MYO18B: variants seen among roughly 807,000 people sequenced by gnomAD.
MYO18B encodes unconventional myosin-XVIIIb.
Under a neutral mutation model 273.0 loss-of-function variants are expected in MYO18B, and 204 were observed. The ratio of observed to expected loss-of-function variants is 0.75; its 90% CI spans 0.67 to 0.84. The LOEUF (loss-of-function observed/expected upper bound fraction) is 0.84. Among genes scored for constraint, MYO18B ranks in the 40% least tolerant of loss-of-function variants. MYO18B has a pLI of 0.00. For synonymous variants in MYO18B, 1,330 were observed against 1,305.7 expected (o/e 1.02, Z -0.40); for missense variants, 3,212 against 3,287.6 (o/e 0.98, Z 0.56).
chr22:25,949,946 T>A lies in MYO18B; in HGVS notation c.5749-421T>A, dbSNP rs80221092. Among the ~76,000 whole-genome samples, 1,400 of 152,234 alleles carry A rather than the reference T, an allele frequency of 9.2e-3. 11 individuals carry two copies. The highest frequency in any genetic ancestry group is 0.017 in the Non-Finnish European group (1,128 of 68,012). On this transcript the variant is annotated intron_variant, in intron 36 of 43. Transcript: ENST00000335473. ...CAATACGGAAAGGCTGAGCTGAGAT[T>A]GTCAGTCCGTTTTACGAATGCAGAG...
Position 25,792,497 on chromosome 22 carries a change from C to CTTTTTTTTTTTTTTTTTTTTTTTT in MYO18B, c.2377-5440_2377-5439insTTTTTTTTTTTTTTTTTTTTTTTT, listed in dbSNP as rs58679561. ...GTGATGTTTCTTTTTTTTTTCTTTT[C>CTTTTTTTTTTTTTTTTTTTTTTTT]TTTTTTTTTTTTTTTTGAGACAGAG... On this transcript the variant is annotated intron_variant, in intron 11 of 43. Transcript: ENST00000335473. Among the ~76,000 whole-genome samples the CTTTTTTTTTTTTTTTTTTTTTTTT allele has an allele frequency of 1.3e-4, 14 of 107,954 alleles. 1 individual carries two copies. The highest frequency in any genetic ancestry group is 2.1e-4 in the Non-Finnish European group (12 of 58,302). The allele number at this position is 107,954 out of a possible 152,430, so 70.8% of individuals were successfully genotyped here.
At chr22:25,817,433 C>T (rs7287973) in intron 12 of MYO18B, among the ~76,000 whole-genome samples, 1 of 133,134 alleles carries the variant, frequency 7.5e-6, no homozygotes, top group Non-Finnish European at 1.6e-5. Flanking sequence ...TTTCCCTTTC[C>T]TTTCCCTTTC....
chr22:25,851,522 G>A lies in MYO18B; in HGVS notation c.3828G>A (p.Leu1276=). 1 of 1,561,610 alleles carries A rather than the reference G, an allele frequency of 6.4e-7. No homozygotes were observed. The highest frequency in any genetic ancestry group is 8.7e-7 in the Non-Finnish European group (1 of 1,152,460). Residue 1276 remains leucine, a synonymous_variant, in exon 21 of 44, where the codon CTG becomes CTA. Transcript: ENST00000335473. ...LTRFRRQFQV[L]DAPLLKKLMS... is the part of the protein sequence containing the mutation. Reference sequence around the variant, plus strand: ...GCTTCCGCCGGCAATTCCAGGTGCTGGACGCTCCACTCCTGAAGAAGCTCA... The same window carrying A: ...GCTTCCGCCGGCAATTCCAGGTGCTAGACGCTCCACTCCTGAAGAAGCTCA...
Position 25,955,284 on chromosome 22 carries a change from C to T in MYO18B, c.6076C>T (p.Arg2026Trp), listed in dbSNP as rs753680676. Reference protein sequence around the residue: ...QQRESSQYYQRRLEELKADME... With the variant: ...QQRESSQYYQWRLEELKADME... ...GCGGGAGAGCAGCCAGTACTACCAG[C>T]GGCGCCTGGAAGAGCTGAAGGCCGA... The change falls in exon 39 of 44, where the codon CGG becomes TGG. Residue 2026 changes from arginine (R) to tryptophan (W), a missense_variant. Physicochemically the swap from Arg to Trp is moderately radical, Grantham distance 101. Transcript: ENST00000335473. 23 of 1,613,540 alleles carry T rather than the reference C, an allele frequency of 1.4e-5. No individual in the cohort carries two copies. The highest frequency in any genetic ancestry group is 1.7e-5 in the Admixed American group (1 of 59,970).
rs1339319910 is a variant in MYO18B, at chr22:25,975,452, G to GT, written c.6157-16910dup. On this transcript the variant is annotated intron_variant, in intron 39 of 43. Coordinates refer to ENST00000335473, the MANE Select transcript of MYO18B (RefSeq NM_032608.7). The stretch of plus-strand genomic sequence containing the variant: ...GGCAGCCTGGGGATTAACATTTACT[G>GT]TATGTCTACTATGTGACAGGCACTG... 5.3e-5 allele frequency among the ~76,000 whole-genome samples: 8 copies of GT among 152,300 alleles called. No homozygotes were observed. The East Asian group carries it at 1.5e-3, about 29-fold the overall frequency.
chr22:25,757,111 T>C (rs2086147554), intron 1 of MYO18B, among the ~76,000 whole-genome samples: 1 of 152,162 alleles, frequency 6.6e-6, no homozygotes, highest in Non-Finnish European at 1.5e-5. Flanking sequence ...TATAGTGCTA[T>C]AGAACACTAG....
In MYO18B at chr22:25,848,973, G is replaced by A. The variant is rs141637414; in HGVS notation, c.3775+1321G>A. Among the ~76,000 whole-genome samples, 1,180 of 152,332 alleles carry A rather than the reference G, an allele frequency of 7.7e-3. 5 individuals are homozygous for A. The highest frequency in any genetic ancestry group is 0.014 in the Non-Finnish European group (938 of 68,034). On this transcript the variant is annotated intron_variant, in intron 20 of 43. Coordinates refer to ENST00000335473, the MANE Select transcript of MYO18B (RefSeq NM_032608.7). Reference sequence around the variant, plus strand: ...AGTATTTGACTGGGAGCAGCTAGAAGCAAAGATGAGACCCTCACTCCGCTG... The same window carrying A: ...AGTATTTGACTGGGAGCAGCTAGAAACAAAGATGAGACCCTCACTCCGCTG...
chr22:25,810,262 TG>T (rs200514937), intron 12 of MYO18B, among the ~76,000 whole-genome samples: 4,822 of 150,724 alleles, frequency 0.032, 247 homozygotes, highest in African/African-American at 0.11. Context: ...CATGCCCAGA[TG>T]TTTTTTTTGT....
At chr22:25,848,413 T>G (rs567435853) in intron 20 of MYO18B, among the ~76,000 whole-genome samples, 1 of 152,270 alleles carries the variant, frequency 6.6e-6, no homozygotes, top group Admixed American at 6.5e-5. Flanking sequence ...GAGGGAACAT[T>G]AGGCAGAGGG....
intron 31 of MYO18B, among the ~76,000 whole-genome samples, chr22:25,906,271 G>A (rs1287370758): frequency 6.7e-6 from 1 of 150,300 alleles, no homozygotes; most frequent in African/African-American, 2.4e-5. Context: ...GAATGTCCAA[G>A]AGGCTAGAAA....
At chr22:25,977,333 TTGTATTTGTATC>T (rs1239039576) in intron 39 of MYO18B, among the ~76,000 whole-genome samples, 1 of 134,740 alleles carries the variant, frequency 7.4e-6, no homozygotes, top group African/African-American at 2.7e-5. Context: ...GTATTTGTAT[TTGTATTTGTATC>T]TGGGTTGCTG....
chr22:25,758,017 C>CGTTT (rs1430858684), intron 1 of MYO18B, among the ~76,000 whole-genome samples: 1 of 152,036 alleles, frequency 6.6e-6, no homozygotes, highest in African/African-American at 2.4e-5. Context: ...TTTGTTTGTT[C>CGTTT]GTTTGTTTGT....
chr22:25,775,031 G>A (rs1384579276), intron 7 of MYO18B, among the ~76,000 whole-genome samples: 1 of 152,256 alleles, frequency 6.6e-6, no homozygotes, highest in East Asian at 1.9e-4. Context: ...GGGCCTTCAG[G>A]AACCTGGATG....
Position 25,931,840 on chromosome 22 carries a change from AT to A in MYO18B, c.5517+10446del, listed in dbSNP as rs35548306. ...TGGCATGTGCCACCATGCCCTGCTA[AT>A]TTTTTTTTTTTTTTGGTAGAGATGA... On this transcript the variant is annotated intron_variant, in intron 34 of 43. Transcript: ENST00000335473. 5.5e-3 allele frequency among the ~76,000 whole-genome samples: 777 copies of A among 141,424 alleles called. 1 individual carries two copies. Among genetic ancestry groups the A allele is most frequent in the South Asian group, 0.019 (83 of 4,330 alleles). 92.8% of individuals were successfully genotyped at this position (141,424 alleles called of 152,430 possible).
intron 35 of MYO18B, among the ~76,000 whole-genome samples, chr22:25,947,487 T>TACAG (rs2092725772): frequency 9.0e-6 from 1 of 110,616 alleles, no homozygotes; most frequent in Non-Finnish European, 1.9e-5. Context: ...TAATGCCTAA[T>TACAG]ACACACACAC....
chr22:26,060,632 T>C, the MYO18B span, among the ~76,000 whole-genome samples: 3 of 151,828 alleles, frequency 2.0e-5, no homozygotes, highest in East Asian at 5.8e-4. Flanking sequence ...TATACACAAA[T>C]ATACATATAC....
Position 25,769,244 on chromosome 22 carries a change from A to G in MYO18B, c.1328A>G (p.Gln443Arg). The change falls in exon 4 of 44, where the codon CAG (glutamine) becomes CGG (arginine). Residue 443 changes from glutamine to arginine, a missense_variant. Gln to Arg is a conservative substitution (Grantham distance 43, BLOSUM62 1). Transcript: ENST00000335473. Reference sequence around the variant, plus strand: ...GGAGGCTGGCCAGGAAGCCGTGGGCAGGAAGCAGAGGAGCCCTGCTCAAGA... The same window carrying G: ...GGAGGCTGGCCAGGAAGCCGTGGGCGGGAAGCAGAGGAGCCCTGCTCAAGA... ...GKGGWPGSRG[Q>R]EAEEPCSRAG... The G allele has an allele frequency of 6.3e-7, 1 of 1,596,284 alleles. No homozygotes were observed. Among genetic ancestry groups the G allele is most frequent in the Non-Finnish European group, 8.5e-7 (1 of 1,171,768 alleles).
intron 21 of MYO18B, among the ~76,000 whole-genome samples, chr22:25,866,476 A>G (rs1347773544): frequency 2.0e-5 from 3 of 152,116 alleles, no homozygotes; most frequent in East Asian, 1.9e-4. Context: ...TTTCCTCCCT[A>G]TGGAATCTCT....
chr22:25,853,980 ACGTGCT>A (rs1447568892), intron 21 of MYO18B, among the ~76,000 whole-genome samples: 2 of 152,252 alleles, frequency 1.3e-5, no homozygotes, highest in African/African-American at 4.8e-5. Flanking sequence ...ATACATGAAC[ACGTGCT>A]TGGGTGGGCA....
Sources: allele counts gnomAD v4.1 joint callset (sites outside exome capture counted in the v4.1 genomes callset), GRCh38; gene constraint gnomAD v4.1.1; transcripts MANE v1.5; gene names NCBI Gene and HGNC (gene_info 2026-07-23, HGNC 2026-07-21).